The following TK2 variants were observed in gnomAD, a reference collection of about 807,000 sequenced individuals.
The protein encoded by TK2 is thymidine kinase 2, also known as thymidine kinase 2, mitochondrial.
A neutral mutation model predicts 41.9 loss-of-function variants in TK2; 35 were observed. That is an observed-to-expected ratio of 0.84 (90% CI 0.64 to 1.11). TK2 has a LOEUF of 1.11. TK2 is among the 50% of genes least tolerant of loss of function. The probability of loss-of-function intolerance (pLI) is 0.00; values close to 1 mark genes in which losing one functional copy is unlikely to be tolerated. For synonymous variants in TK2, 128 were observed against 129.1 expected, an observed-to-expected ratio of 0.99 and a Z score of 0.06; for missense variants, 320 against 351.1, an observed-to-expected ratio of 0.91 and a Z score of 0.71.
At chr16:66,549,910 T>A in intron 1 of TK2, 28 bp downstream of exon 1, 2 of 1,345,100 alleles carry the variant, frequency 1.5e-6, no homozygotes, top group Non-Finnish European at 1.9e-6. Context: ...TAGGGGCTCC[T>A]GGGAGGCGGG....
chr16:66,541,344 T>C (rs1830656507), intron 3 of TK2, among the ~76,000 whole-genome samples: 1 of 152,242 alleles, frequency 6.6e-6, no homozygotes, highest in African/African-American at 2.4e-5. Flanking sequence ...AGCTCATTGA[T>C]GATTTTTATA....
At chr16:66,520,053 G>C (rs115632168) in intron 6 of TK2, among the ~76,000 whole-genome samples, 1 of 152,330 alleles carries the variant, frequency 6.6e-6, no homozygotes, top group African/African-American at 2.4e-5. Context: ...ATTTGACAGA[G>C]GAGCGGGAGA....
intron 9 of TK2, among the ~76,000 whole-genome samples, chr16:66,512,346 C>T (rs1222961152): frequency 1.3e-5 from 2 of 152,180 alleles, no homozygotes; most frequent in Non-Finnish European, 2.9e-5. Flanking sequence ...GAAGATTACA[C>T]GAGCCCAGGA....
intron 2 of TK2, among the ~76,000 whole-genome samples, chr16:66,545,270 C>T (rs772201296): frequency 1.3e-5 from 2 of 152,168 alleles, no homozygotes; most frequent in Non-Finnish European, 2.9e-5. Flanking sequence ...TCTCAGCAAT[C>T]ATTGTCATTT....
chr16:66,516,012 C>T (rs1473437139), intron 8 of TK2, among the ~76,000 whole-genome samples: 1 of 152,176 alleles, frequency 6.6e-6, no homozygotes. Flanking sequence ...ACATTCAGTT[C>T]AATACTAACT....
At chr16:66,549,548 G>A in intron 1 of TK2, 1 of 1,055,854 alleles carries the variant, frequency 9.5e-7, no homozygotes, top group Non-Finnish European at 1.1e-6. Context: ...GAGCGCCGGG[G>A]GCGTAACCCC....
chr16:66,515,290 G>C (rs532327184), intron 8 of TK2, among the ~76,000 whole-genome samples: 1 of 151,940 alleles, frequency 6.6e-6, no homozygotes, highest in African/African-American at 2.4e-5. Flanking sequence ...TAAACCCTCC[G>C]CTCTGTCTTG....
chr16:66,547,700 T>C (rs906882839), intron 2 of TK2, among the ~76,000 whole-genome samples: 19 of 147,554 alleles, frequency 1.3e-4, no homozygotes, highest in Non-Finnish European at 2.1e-4. Flanking sequence ...CAGACAAACC[T>C]CCCCCATCAG....
At position 66,511,264 on chromosome 16, in the gene TK2, G is replaced by T. The variant is rs1036529067; in HGVS notation, c.*704C>A. 1 of 155,508 alleles carries T rather than the reference G, an allele frequency of 6.4e-6. No homozygotes were observed. Among genetic ancestry groups the T allele is most frequent in the African/African-American group, 2.4e-5 (1 of 41,466 alleles). 9.6% of individuals were successfully genotyped at this position (155,508 alleles called of 1,614,324 possible). A position where few individuals can be genotyped will look rare whatever the true frequency, so the allele number is the denominator to read the frequency against. ...TGGGGCTGCAGCGACCTCGGGCAGG[G>T]AAACCACTGAACACCGGGCTCCAGC... On this transcript the variant is annotated 3_prime_UTR_variant, in exon 10 of 10. Coordinates refer to ENST00000544898, the MANE Select transcript of TK2 (RefSeq NM_004614.5).
At chr16:66,515,857 G>C (rs1002988049) in intron 8 of TK2, among the ~76,000 whole-genome samples, 1 of 152,204 alleles carries the variant, frequency 6.6e-6, no homozygotes, top group African/African-American at 2.4e-5. Flanking sequence ...TGGCACCAAG[G>C]AAAAACAAGG....
In TK2 at chr16:66,511,694, C is replaced by G; in HGVS notation, c.*274G>C. On this transcript the variant is annotated 3_prime_UTR_variant, in exon 10 of 10. Coordinates refer to ENST00000544898, the MANE Select transcript of TK2 (RefSeq NM_004614.5). Reference sequence around the variant, plus strand: ...GCTCTCCCTAAGGGCTTCATGAGAGCGACTCAGCAGCACAAAGCCATGGGA... The same window carrying G: ...GCTCTCCCTAAGGGCTTCATGAGAGGGACTCAGCAGCACAAAGCCATGGGA... 1 of 522,480 alleles carries G rather than the reference C, an allele frequency of 1.9e-6. No individual in the cohort carries two copies. The highest frequency in any genetic ancestry group is 3.5e-6 in the Non-Finnish European group (1 of 288,310). 32.4% of individuals were successfully genotyped at this position (522,480 alleles called of 1,614,324 possible). A position where few individuals can be genotyped will look rare whatever the true frequency, so the allele number is the denominator to read the frequency against.
rs1243744395 is a variant in TK2 at position 66,550,000 on chromosome 16, C to G, written c.62G>C (p.Ser21Thr). Residue 21 changes from serine to threonine, a missense_variant, in exon 1 of 10, where the codon AGT (serine) becomes ACT (threonine). Ser to Thr is a moderately conservative substitution (Grantham distance 58, BLOSUM62 1). Transcript: ENST00000544898. Reference protein sequence around the residue: ...ARALRCFGPGSRGSPASGPGP... With the variant: ...ARALRCFGPGTRGSPASGPGP... Reference sequence around the variant, plus strand: ...GGGGCCTGAGGCCGGGCTCCCGCGACTTCCCGGCCCAAAGCAGCGCAGCGC... The same window carrying G: ...GGGGCCTGAGGCCGGGCTCCCGCGAGTTCCCGGCCCAAAGCAGCGCAGCGC... The G allele has an allele frequency of 6.6e-7, 1 of 1,525,290 alleles. No individual in the cohort carries two copies. Among genetic ancestry groups the G allele is most frequent in the South Asian group, 1.2e-5 (1 of 81,938 alleles). 94.5% of individuals were successfully genotyped at this position (1,525,290 alleles called of 1,614,324 possible).
intron 3 of TK2, among the ~76,000 whole-genome samples, chr16:66,539,525 C>T (rs546386310): frequency 1.1e-4 from 16 of 148,852 alleles, no homozygotes; most frequent in African/African-American, 3.7e-4. Flanking sequence ...TGCTTGAACC[C>T]AGGAGGCGGA....
intron 9 of TK2, among the ~76,000 whole-genome samples, 153 bp from the exon 10 acceptor site, chr16:66,512,219 G>A (rs1964472231): frequency 6.6e-6 from 1 of 152,182 alleles, no homozygotes; most frequent in Non-Finnish European, 1.5e-5. Flanking sequence ...GAGCCAAATC[G>A]CTTTCAGCTC....
At chr16:66,513,288 C>T (rs980398372) in intron 9 of TK2, among the ~76,000 whole-genome samples, 1 of 152,224 alleles carries the variant, frequency 6.6e-6, no homozygotes, top group Non-Finnish European at 1.5e-5. Flanking sequence ...CCACACACCT[C>T]AGCATTCCTA....
Position 66,511,682 on chromosome 16 carries a change from G to T in TK2, c.*286C>A. 4.0e-6 allele frequency: 2 copies of T among 502,788 alleles called. No homozygotes were observed. Among genetic ancestry groups the T allele is most frequent in the Non-Finnish European group, 7.2e-6 (2 of 276,326 alleles). 31.1% of individuals were successfully genotyped at this position (502,788 alleles called of 1,614,324 possible). A position where few individuals can be genotyped will look rare whatever the true frequency, so the allele number is the denominator to read the frequency against. On this transcript the variant is annotated 3_prime_UTR_variant, in exon 10 of 10. Coordinates refer to ENST00000544898, the MANE Select transcript of TK2 (RefSeq NM_004614.5). ...CACACAACAGGTGCTCTCCCTAAGG[G>T]CTTCATGAGAGCGACTCAGCAGCAC...
At chr16:66,535,779 G>A (rs1965257968) in intron 4 of TK2, among the ~76,000 whole-genome samples, 1 of 152,228 alleles carries the variant, frequency 6.6e-6, no homozygotes, top group African/African-American at 2.4e-5. Context: ...GAATGCACAA[G>A]CCCCTACTAA....
chr16:66,517,065 G>A lies in TK2; in HGVS notation c.618+71C>T, dbSNP rs552431497. 5.2e-6 allele frequency: 7 copies of A among 1,337,420 alleles called. No individual in the cohort carries two copies. The highest frequency in any genetic ancestry group is 2.3e-5 in the South Asian group (2 of 85,466). The allele number at this position is 1,337,420 out of a possible 1,614,324, so 82.8% of individuals were successfully genotyped here. On this transcript the variant is annotated intron_variant, in intron 8 of 9. Transcript: ENST00000544898. The surrounding 1 kb of genome is among the most constrained non-coding windows in gnomAD (Gnocchi z 4.3). ...ACAATGATCTCATGGGGGTGGGGCC[G>A]GGAGAGGAAGCCGGGTTGGACAGAG...
intron 6 of TK2, among the ~76,000 whole-genome samples, chr16:66,522,435 A>C (rs1177483572): frequency 6.6e-6 from 1 of 152,224 alleles, no homozygotes; most frequent in East Asian, 1.9e-4. Context: ...TTCTTAGAAA[A>C]GGACGACCAG....
Sources: allele counts gnomAD v4.1 joint callset (sites outside exome capture counted in the v4.1 genomes callset), GRCh38; gene constraint gnomAD v4.1.1; non-coding constraint Gnocchi (gnomAD v3.1); transcripts MANE v1.5; gene names NCBI Gene and HGNC (gene_info 2026-07-23, HGNC 2026-07-21).